The following SLC14A2 variants were observed in gnomAD, a reference collection of about 807,000 sequenced individuals.
SLC14A2 encodes the protein solute carrier family 14 member 2, also known as urea transporter 2.
A neutral mutation model predicts 104.6 loss-of-function variants in SLC14A2; 91 were observed. The observed-to-expected ratio is 0.87, with a 90% CI of 0.73 to 1.04. The LOEUF (loss-of-function observed/expected upper bound fraction) is 1.04, where lower values mean the gene tolerates loss of function less well. SLC14A2 is among the 50% of genes least tolerant of loss of function. SLC14A2 has a pLI of 0.00. For synonymous variants in SLC14A2, 476 were observed against 466.4 expected (o/e 1.02, Z -0.27); for missense variants, 1,189 against 1,156.0 (o/e 1.03, Z -0.41).
At chr18:45,206,525 AACTT>A in the SLC14A2 span, among the ~76,000 whole-genome samples, 3 of 152,226 alleles carry the variant, frequency 2.0e-5, no homozygotes, top group African/African-American at 7.2e-5. Context: ...ACTTGCAAAT[AACTT>A]TATTACATTT....
chr18:45,215,640 C>T (rs954817156), intron 1 of SLC14A2, among the ~76,000 whole-genome samples: 3 of 152,208 alleles, frequency 2.0e-5, no homozygotes, highest in African/African-American at 7.2e-5. Flanking sequence ...GATGCTCAAA[C>T]ATTTTTGAAG....
At chr18:45,190,800 C>A in the SLC14A2 span, among the ~76,000 whole-genome samples, 3 of 152,130 alleles carry the variant, frequency 2.0e-5, no homozygotes, top group Non-Finnish European at 1.5e-5. Flanking sequence ...AATTATTATC[C>A]GCATATTACA....
At chr18:45,634,528 T>A (rs961452715) in intron 5 of SLC14A2, among the ~76,000 whole-genome samples, 1 of 152,192 alleles carries the variant, frequency 6.6e-6, no homozygotes, top group Admixed American at 6.5e-5. Flanking sequence ...TAAGAAGGCA[T>A]CTGTCATCTG....
chr18:45,366,639 G>C (rs1254230837), intron 1 of SLC14A2, among the ~76,000 whole-genome samples: 1 of 152,112 alleles, frequency 6.6e-6, no homozygotes, highest in Non-Finnish European at 1.5e-5. Context: ...AGAAAAACCA[G>C]CTACAGCCTT....
At chr18:45,404,840 T>G (rs2542965) in intron 1 of SLC14A2, among the ~76,000 whole-genome samples, 129,304 of 152,156 alleles carry the variant, frequency 0.85, 54,954 homozygotes, top group South Asian at 0.94. Flanking sequence ...TCAATCTTGT[T>G]TTCTCAGCAT....
At chr18:45,224,430 C>A (rs1184732515) in intron 1 of SLC14A2, among the ~76,000 whole-genome samples, 1 of 152,184 alleles carries the variant, frequency 6.6e-6, no homozygotes, top group Non-Finnish European at 1.5e-5. Flanking sequence ...AGAAGCAGGT[C>A]AGGGCAGATG....
chr18:45,231,283 G>T (rs2084172331), intron 1 of SLC14A2, among the ~76,000 whole-genome samples: 2 of 152,056 alleles, frequency 1.3e-5, no homozygotes, highest in Admixed American at 1.3e-4. Flanking sequence ...GCTTACTGCA[G>T]CCTTGACCTC....
intron 1 of SLC14A2, among the ~76,000 whole-genome samples, chr18:45,333,614 A>G (rs1169779164): frequency 6.6e-6 from 1 of 152,230 alleles, no homozygotes; most frequent in Non-Finnish European, 1.5e-5. Context: ...AAGGCTCATG[A>G]AGAACATCAC....
chr18:45,682,817 G>A lies in SLC14A2; in HGVS notation c.*298G>A, dbSNP rs911534543. On this transcript the variant is annotated 3_prime_UTR_variant, in exon 20 of 20. Coordinates refer to ENST00000255226, the MANE Select transcript of SLC14A2 (RefSeq NM_007163.4). ...CATCCTTAAAGAGAAGTCACCGGCC[G>A]GGCACGGTGGCTCACGCCTGTAATC... 16 of 333,472 alleles carry A rather than the reference G, an allele frequency of 4.8e-5. No individual in the cohort carries two copies. The highest frequency in any genetic ancestry group is 2.0e-4 in the South Asian group (7 of 34,212). 20.7% of individuals were successfully genotyped at this position (333,472 alleles called of 1,614,324 possible).
intron 2 of SLC14A2, among the ~76,000 whole-genome samples, chr18:45,488,814 T>C (rs2087662726): frequency 6.6e-6 from 1 of 152,146 alleles, no homozygotes; most frequent in Non-Finnish European, 1.5e-5. Flanking sequence ...GCAAGGAAGG[T>C]ACAAAGACTG....
At chr18:45,670,436 C>A (rs538150466) in intron 16 of SLC14A2, among the ~76,000 whole-genome samples, 86 of 152,284 alleles carry the variant, frequency 5.6e-4, no homozygotes, top group Admixed American at 1.5e-3. Flanking sequence ...CTTTCCGTTA[C>A]ACGAAACGGC....
intron 1 of SLC14A2, among the ~76,000 whole-genome samples, chr18:45,404,051 A>G (rs1598762812): frequency 6.6e-6 from 1 of 152,184 alleles, no homozygotes; most frequent in Admixed American, 6.5e-5. Flanking sequence ...CCTGGAAGGA[A>G]CCCATCTTTA....
intron 1 of SLC14A2, among the ~76,000 whole-genome samples, chr18:45,416,935 A>C (rs1286948557): frequency 6.6e-6 from 1 of 152,184 alleles, no homozygotes; most frequent in Non-Finnish European, 1.5e-5. Context: ...GTGGGGTGTA[A>C]AGGATCAGCG....
chr18:45,360,444 T>G (rs368870926), intron 1 of SLC14A2, among the ~76,000 whole-genome samples: 10 of 152,366 alleles, frequency 6.6e-5, no homozygotes, highest in African/African-American at 1.2e-4. Flanking sequence ...CTAAATCTTC[T>G]GCAGAGCTCA....
At chr18:45,574,261 G>C (rs1052614272) in intron 2 of SLC14A2, among the ~76,000 whole-genome samples, 3 of 152,168 alleles carry the variant, frequency 2.0e-5, no homozygotes, top group African/African-American at 7.2e-5. Context: ...TGGGGAGAAG[G>C]AGCATGGAGA....
At chr18:45,388,264 A>C (rs539601156) in intron 1 of SLC14A2, among the ~76,000 whole-genome samples, 3 of 151,730 alleles carry the variant, frequency 2.0e-5, no homozygotes, top group Admixed American at 2.0e-4. Flanking sequence ...GGGTCTCACC[A>C]TGTTAGCCAG....
chr18:45,325,908 G>C (rs1021936338), intron 1 of SLC14A2, among the ~76,000 whole-genome samples: 3 of 152,178 alleles, frequency 2.0e-5, no homozygotes, highest in Non-Finnish European at 2.9e-5. Context: ...TGAGTGAGGG[G>C]TGAAGTCCAG....
chr18:45,588,396 G>A (rs2044598397), intron 2 of SLC14A2, among the ~76,000 whole-genome samples: 1 of 152,170 alleles, frequency 6.6e-6, no homozygotes. Flanking sequence ...AGTGGATTCT[G>A]TCTCATAAAA....
At chr18:45,327,838 A>G (rs2085251405) in intron 1 of SLC14A2, among the ~76,000 whole-genome samples, 1 of 152,132 alleles carries the variant, frequency 6.6e-6, no homozygotes. Context: ...TAGGGGTAGG[A>G]GTGAGCGAAG....
Sources: allele counts gnomAD v4.1 joint callset (sites outside exome capture counted in the v4.1 genomes callset), GRCh38; gene constraint gnomAD v4.1.1; transcripts MANE v1.5; gene names NCBI Gene and HGNC (gene_info 2026-07-23, HGNC 2026-07-21).